Variants in MAP7D2 observed in about 807,000 individuals in gnomAD.
The protein encoded by MAP7D2 is MAP7 domain containing 2.
In MAP7D2, 33 loss-of-function variants were observed where a neutral mutation model predicts 63.5. The ratio of observed to expected loss-of-function variants is 0.52; its 90% CI spans 0.39 to 0.70. MAP7D2 has a LOEUF of 0.70. MAP7D2 is among the 30% of genes least tolerant of loss of function. The pLI, the probability that MAP7D2 is intolerant of heterozygous loss-of-function variation, is 0.00. For missense variants in MAP7D2, 626 were observed against 604.0 expected (o/e 1.04, Z -0.38); for synonymous variants, 224 against 223.7 (o/e 1.00, Z -0.01).
chrX:20,022,997 G>A (rs1350587066), intron 10 of MAP7D2, among the ~76,000 whole-genome samples: 1 of 111,620 alleles, frequency 9.0e-6, no homozygotes, highest in Non-Finnish European at 1.9e-5. Flanking sequence ...TATTTTGGTG[G>A]CCACATGTGC....
At chrX:20,107,055 G>A in intron 1 of MAP7D2, among the ~76,000 whole-genome samples, 1 of 111,025 alleles carries the variant, frequency 9.0e-6, no homozygotes, top group African/African-American at 3.3e-5. Context: ...CGGCAAGGGC[G>A]GTAGGCTCGG....
intron 1 of MAP7D2, among the ~76,000 whole-genome samples, chrX:20,076,286 G>A (rs1052966927): frequency 3.4e-4 from 38 of 111,640 alleles, no homozygotes; most frequent in Middle Eastern, 4.2e-3. Context: ...TCCTTGCAAC[G>A]TGCCCCTTTC....
intron 1 of MAP7D2, among the ~76,000 whole-genome samples, chrX:20,069,685 TA>T (rs771410190): frequency 1.9e-4 from 21 of 111,034 alleles, no homozygotes; most frequent in Non-Finnish European, 3.8e-4. Context: ...GTATCAGTGG[TA>T]ACATTTTAGT....
intron 1 of MAP7D2, among the ~76,000 whole-genome samples, chrX:20,099,345 A>C (rs932143318): frequency 1.8e-5 from 2 of 111,019 alleles, no homozygotes; most frequent in Non-Finnish European, 3.8e-5. Context: ...AATGAAGCCT[A>C]GAAACCTTAC....
chrX:20,050,784 C>T lies in MAP7D2; in HGVS notation c.718+40G>A, dbSNP rs776404493. 1.9e-5 allele frequency: 21 copies of T among 1,130,645 alleles called. No individual in the cohort carries two copies. In the South Asian group the frequency reaches 2.7e-4, roughly 15 times the overall value. The allele number at this position is 1,130,645 out of a possible 1,213,427, so 93.2% of individuals were successfully genotyped here. On this transcript the variant is annotated intron_variant, in intron 6 of 16. Coordinates refer to ENST00000379643, the MANE Select transcript of MAP7D2 (RefSeq NM_001168465.2). ...AATCCTAGGCTGACCAACACCTCTT[C>T]GGGCATTTTCCTTGGTGTTACCAGC...
rs2073026793 is a variant in MAP7D2 at position 20,006,769 on chromosome X, C to T, written c.*1656G>A. The stretch of plus-strand genomic sequence containing the variant: ...GTTTGACAGGGAAAGGACACCCACA[C>T]AGGATTTTTTGGTTTTCTTCTACAC... On this transcript the variant is annotated 3_prime_UTR_variant, in exon 17 of 17. Transcript: ENST00000379643. The T allele has an allele frequency of 8.9e-6, 1 of 111,808 alleles. No individual in the cohort carries two copies. Among genetic ancestry groups the T allele is most frequent in the Admixed American group, 9.6e-5 (1 of 10,464 alleles). 9.2% of individuals were successfully genotyped at this position (111,808 alleles called of 1,213,427 possible).
intron 1 of MAP7D2, among the ~76,000 whole-genome samples, chrX:20,086,463 T>C (rs1229685955): frequency 1.8e-5 from 2 of 112,224 alleles, no homozygotes; most frequent in South Asian, 3.7e-4. Context: ...ACACTACACA[T>C]ATAGGCAACT....
rs1394127763 is a variant in MAP7D2, at chrX:20,108,127, G to A, written c.130+8623C>T. On this transcript the variant is annotated intron_variant, in intron 1 of 16. Transcript: ENST00000379643. ...TGTTTTTTTCTTCAGGAAACCCTGA[G>A]CAGCCTAACCCTGATGGGCTGTGGG... is the stretch of plus-strand genomic sequence containing the variant. Among the ~76,000 whole-genome samples, 9 of 111,338 alleles carry A rather than the reference G, an allele frequency of 8.1e-5. No homozygotes were observed. The Admixed American group carries it at 8.6e-4, about 11-fold the overall frequency.
Position 20,042,048 on chromosome X carries a change from AAC to A in MAP7D2, c.1007+452_1007+453del, listed in dbSNP as rs950904686. ...ACCCAACAAGACCCCATTTCTTAAA[AAC>A]ACACACACATATATATTTGCTTCAT... On this transcript the variant is annotated intron_variant, in intron 8 of 16. Coordinates refer to ENST00000379643, the MANE Select transcript of MAP7D2 (RefSeq NM_001168465.2). 3.3e-4 allele frequency among the ~76,000 whole-genome samples: 37 copies of A among 110,914 alleles called. No homozygotes were observed. The Admixed American group carries it at 3.5e-3, about 10-fold the overall frequency.
rs1485706758 is a variant in MAP7D2 at position 20,012,466 on chromosome X, T to C, written c.1955A>G (p.Gln652Arg). The C allele has an allele frequency of 8.3e-7, 1 of 1,209,149 alleles. No individual in the cohort carries two copies. ...VDHAAPETYP[Q>R]DIFSNGLKPA... is the part of the protein sequence containing the mutation. The stretch of plus-strand genomic sequence containing the variant: ...CTTAAGCCCATTAGAGAAAATGTCT[T>C]GGGGATAAGTTTCTGGGGCAGCGTG... The change falls in exon 15 of 17, where the codon CAA (glutamine) becomes CGA (arginine). Residue 652 changes from glutamine (Q) to arginine (R), a missense_variant. By Grantham distance (43) the Gln-to-Arg change is conservative. Transcript: ENST00000379643.
chrX:20,116,410 C>T, intron 1 of MAP7D2: 1 of 260,155 alleles, frequency 3.8e-6, no homozygotes, highest in Non-Finnish European at 5.4e-6. Flanking sequence ...TTTATCCTAA[C>T]GACCCCCATG....
intron 9 of MAP7D2, 35 bp from the exon 10 acceptor site, chrX:20,025,118 C>G (rs1475777178): frequency 8.5e-7 from 1 of 1,172,534 alleles, no homozygotes; most frequent in African/African-American, 1.8e-5. Flanking sequence ...AGGAAAAGAT[C>G]AAGGGAAACG....
At chrX:20,085,051 G>A (rs1426759486) in intron 1 of MAP7D2, among the ~76,000 whole-genome samples, 1 of 111,928 alleles carries the variant, frequency 8.9e-6, no homozygotes, top group African/African-American at 3.3e-5. Context: ...TACTTGGCCA[G>A]GCAACCCTGC....
rs778075181 is a variant in MAP7D2, at chrX:20,011,021, G to T, written c.2104C>A (p.Pro702Thr). ...ATTTCACTCACTGGTGAAAATTCCGGGATAGAGATAAGCTCTTCTTTTGAA... is the reference window on the plus strand; with the variant it reads ...ATTTCACTCACTGGTGAAAATTCCGTGATAGAGATAAGCTCTTCTTTTGAA... ...PVSKEELISI[P>T]EFSPVSEMIP... Residue 702 changes from proline (P) to threonine (T), a missense_variant, in exon 16 of 17, where the codon CCG becomes ACG. Coordinates refer to ENST00000379643, the MANE Select transcript of MAP7D2 (RefSeq NM_001168465.2). The T allele has an allele frequency of 1.7e-6, 2 of 1,210,512 alleles. No individual in the cohort carries two copies.
intron 8 of MAP7D2, among the ~76,000 whole-genome samples, chrX:20,036,777 C>T (rs1188859931): frequency 9.8e-6 from 1 of 101,623 alleles, no homozygotes; most frequent in Non-Finnish European, 2.0e-5. Context: ...GGTGGCGCAC[C>T]CCTGTAATCC....
intron 1 of MAP7D2, among the ~76,000 whole-genome samples, chrX:20,093,167 T>C (rs1212004935): frequency 1.8e-5 from 2 of 111,825 alleles, no homozygotes; most frequent in East Asian, 5.6e-4. Flanking sequence ...ACACTATTTG[T>C]CCATCCCTGG....
At chrX:20,084,073 C>T (rs1251217451) in intron 1 of MAP7D2, among the ~76,000 whole-genome samples, 11 of 110,204 alleles carry the variant, frequency 1.0e-4, no homozygotes, top group Admixed American at 6.8e-4. Context: ...TGGTGACACG[C>T]GCCTGTAATC....
chrX:20,105,355 C>A (rs2066540040), intron 1 of MAP7D2, among the ~76,000 whole-genome samples: 1 of 111,366 alleles, frequency 9.0e-6, no homozygotes, highest in Non-Finnish European at 1.9e-5. Context: ...CTGAAGGAAT[C>A]AGTGACCAAC....
intron 1 of MAP7D2, among the ~76,000 whole-genome samples, chrX:20,100,568 G>C (rs751330888): frequency 1.9e-5 from 2 of 106,375 alleles, no homozygotes; most frequent in Non-Finnish European, 3.9e-5. Flanking sequence ...AATCACAACA[G>C]AGGTAGGTGA....
Sources: gnomAD v4.1 joint callset for allele counts (sites outside exome capture counted in the v4.1 genomes callset) on GRCh38, gnomAD v4.1.1 for gene constraint, MANE v1.5 for transcripts, NCBI Gene and HGNC (gene_info 2026-07-23, HGNC 2026-07-21) for gene names.